Variants in TRIP12 observed in about 807,000 individuals in gnomAD.
TRIP12 encodes the protein thyroid hormone receptor interactor 12, also known as E3 ubiquitin-protein ligase TRIP12.
In TRIP12, 25 loss-of-function variants were observed where a neutral mutation model predicts 244.2. The observed-to-expected ratio is 0.10, with a 90% CI of 0.07 to 0.14. TRIP12 has a LOEUF of 0.14. TRIP12 is among the 10% of genes least tolerant of loss of function. The probability of loss-of-function intolerance (pLI) is 1.00; values close to 1 mark genes in which losing one functional copy is unlikely to be tolerated. For missense variants in TRIP12, 1,677 were observed against 2,486.4 expected (o/e 0.67, Z 6.92); for synonymous variants, 905 against 873.1 (o/e 1.04, Z -0.64).
intron 5 of TRIP12, among the ~76,000 whole-genome samples, chr2:229,838,912 T>C (rs1043788484): frequency 6.6e-6 from 1 of 152,188 alleles, no homozygotes; most frequent in African/African-American, 2.4e-5. Context: ...CTTATGTCGC[T>C]ATTGTAACAC....
intron 1 of TRIP12, among the ~76,000 whole-genome samples, chr2:229,894,170 C>T (rs1301122314): frequency 1.3e-5 from 2 of 152,092 alleles, no homozygotes; most frequent in Non-Finnish European, 1.5e-5. Context: ...AAAAAGTTTT[C>T]GTTATTCTGC....
chr2:229,910,976 T>C (rs921728179), intron 1 of TRIP12, among the ~76,000 whole-genome samples: 9 of 152,286 alleles, frequency 5.9e-5, no homozygotes, highest in Admixed American at 2.6e-4. Flanking sequence ...CACAAATGCA[T>C]TTGGACCTGG....
At chr2:229,796,019 G>A (rs2042728436) in intron 25 of TRIP12, among the ~76,000 whole-genome samples, 1 of 152,168 alleles carries the variant, frequency 6.6e-6, no homozygotes, top group Admixed American at 6.5e-5. Context: ...TTCTCTTTAA[G>A]CCACTGTAAA....
At chr2:229,919,399 A>G (rs1319174129) in intron 1 of TRIP12, among the ~76,000 whole-genome samples, 2 of 150,940 alleles carry the variant, frequency 1.3e-5, no homozygotes, top group Non-Finnish European at 3.0e-5. Context: ...TAGGCGACAG[A>G]GCAAGATTCT....
chr2:229,876,660 ATTAC>A (rs1008153997), intron 2 of TRIP12, among the ~76,000 whole-genome samples: 1 of 152,074 alleles, frequency 6.6e-6, no homozygotes, highest in African/African-American at 2.4e-5. Context: ...TACTTTGTTT[ATTAC>A]TTATTTATTT....
intron 4 of TRIP12, among the ~76,000 whole-genome samples, chr2:229,844,781 T>C (rs1559808381): frequency 6.6e-6 from 1 of 152,228 alleles, no homozygotes. Flanking sequence ...ACTGTTATCT[T>C]CCAACTTACA....
At chr2:229,828,341 T>C (rs2052323543) in intron 8 of TRIP12, among the ~76,000 whole-genome samples, 1 of 144,092 alleles carries the variant, frequency 6.9e-6, no homozygotes, top group African/African-American at 2.5e-5. Context: ...AACAGTGATT[T>C]GTTTTTTTTT....
chr2:229,842,362 T>C (rs2056629923), intron 4 of TRIP12, among the ~76,000 whole-genome samples: 2 of 152,234 alleles, frequency 1.3e-5, no homozygotes, highest in Admixed American at 6.5e-5. Flanking sequence ...AGACAGGGCA[T>C]GGCAATAGAT....
intron 2 of TRIP12, among the ~76,000 whole-genome samples, chr2:229,871,676 T>C (rs912969820): frequency 3.9e-5 from 6 of 152,338 alleles, no homozygotes; most frequent in Admixed American, 3.3e-4. Context: ...CTTTTCTTTA[T>C]AAATTACCCA....
intron 33 of TRIP12, among the ~76,000 whole-genome samples, chr2:229,786,396 C>CTT (rs34138414): frequency 0.027 from 3,427 of 127,654 alleles, 235 homozygotes; most frequent in African/African-American, 0.096. Context: ...AATAGGATGA[C>CTT]TTTTTTTTTT....
intron 2 of TRIP12, among the ~76,000 whole-genome samples, chr2:229,869,795 GA>G (rs1322117045): frequency 1.3e-5 from 2 of 152,154 alleles, no homozygotes; most frequent in Non-Finnish European, 2.9e-5. Flanking sequence ...ATCAATCCTA[GA>G]AAAGGCTAAG....
At position 229,818,426 on chromosome 2, in the gene TRIP12, G is replaced by A. The variant is rs1419263386; in HGVS notation, c.1537C>T (p.Leu513=). ...LQAVIEMCQL[L]VMGNEETLGG... Reference sequence around the variant, plus strand: ...AGTGTCTCCTCATTTCCCATGACCAGTAACTGACACATCTCAATAACTGCC... The same window carrying A: ...AGTGTCTCCTCATTTCCCATGACCAATAACTGACACATCTCAATAACTGCC... Residue 513 remains leucine, a synonymous_variant, in exon 9 of 42, where the codon CTG becomes TTG. Coordinates refer to ENST00000675903, the MANE Select transcript of TRIP12 (RefSeq NM_001348323.3). 16 of 1,614,150 alleles carry A rather than the reference G, an allele frequency of 9.9e-6. No homozygotes were observed. Among genetic ancestry groups the A allele is most frequent in the African/African-American group, 1.3e-5 (1 of 75,056 alleles).
intron 8 of TRIP12, among the ~76,000 whole-genome samples, chr2:229,824,121 T>A (rs1369818168): frequency 6.6e-6 from 1 of 152,188 alleles, no homozygotes; most frequent in Non-Finnish European, 1.5e-5. Flanking sequence ...GTAAAAAGTG[T>A]TAATAAACTG....
At chr2:229,788,741 A>G in intron 32 of TRIP12, 57 bp downstream of exon 32, 1 of 1,582,932 alleles carries the variant, frequency 6.3e-7, no homozygotes, top group Non-Finnish European at 8.6e-7. Context: ...AACAAAATAC[A>G]TCAAGACCAA....
In TRIP12 at chr2:229,807,883, A is replaced by G. The variant is rs1408204903; in HGVS notation, c.2340-19T>C. 1 of 1,603,070 alleles carries G rather than the reference A, an allele frequency of 6.2e-7. No homozygotes were observed. The highest frequency in any genetic ancestry group is 8.5e-7 in the Non-Finnish European group (1 of 1,172,958). ...AAGTTCACTGAAAACAAAAAGTACA[A>G]TAATTTTAGTAACTTTATGAAATAT... is the stretch of plus-strand genomic sequence containing the variant. On this transcript the variant is annotated intron_variant, in intron 16 of 41. Coordinates refer to ENST00000675903, the MANE Select transcript of TRIP12 (RefSeq NM_001348323.3).
At chr2:229,769,136 T>C in intron 40 of TRIP12, 95 bp downstream of exon 40, 1 of 1,041,824 alleles carries the variant, frequency 9.6e-7, no homozygotes, top group Non-Finnish European at 1.4e-6. Flanking sequence ...ACTCCAACTT[T>C]TGTTGTTTAC....
intron 1 of TRIP12, among the ~76,000 whole-genome samples, chr2:229,891,337 A>G (rs898636821): frequency 6.6e-5 from 10 of 151,918 alleles, no homozygotes; most frequent in Admixed American, 1.3e-4. Context: ...AGGTGGGAGG[A>G]CTGCTTGAGC....
intron 2 of TRIP12, among the ~76,000 whole-genome samples, chr2:229,861,598 TCACAAAATAA>T (rs1354756788): frequency 1.3e-5 from 2 of 152,144 alleles, no homozygotes; most frequent in African/African-American, 2.4e-5. Flanking sequence ...ACTGAAAATC[TCACAAAATAA>T]TTCTAACTCA....
chr2:229,825,460 C>T (rs1270394083), intron 8 of TRIP12, among the ~76,000 whole-genome samples: 2 of 152,156 alleles, frequency 1.3e-5, no homozygotes, highest in Admixed American at 6.6e-5. Flanking sequence ...ATATCCAAGA[C>T]TGGATAATTT....
Sources: allele counts gnomAD v4.1 joint callset (sites outside exome capture counted in the v4.1 genomes callset), GRCh38; gene constraint gnomAD v4.1.1; transcripts MANE v1.5; gene names NCBI Gene and HGNC (gene_info 2026-07-23, HGNC 2026-07-21).